STK32B: variants seen among roughly 807,000 people sequenced by gnomAD.
STK32B encodes the protein serine/threonine kinase 32B, also known as serine/threonine-protein kinase 32B.
STK32B carries 43 observed loss-of-function variants against 52.6 expected under a neutral mutation model. That is an observed-to-expected ratio of 0.82 (90% CI 0.64 to 1.05). The LOEUF is 1.05. Ranked by LOEUF, STK32B falls within the 50% of genes least tolerant of loss-of-function variation. STK32B has a pLI of 0.00. For synonymous variants in STK32B, 238 were observed against 204.3 expected, an observed-to-expected ratio of 1.17 and a Z score of -1.41; for missense variants, 621 against 534.6, an observed-to-expected ratio of 1.16 and a Z score of -1.59.
chr4:5,471,053 G>A (rs1370569410), intron 11 of STK32B, among the ~76,000 whole-genome samples: 3 of 152,304 alleles, frequency 2.0e-5, no homozygotes, highest in Admixed American at 1.3e-4. Flanking sequence ...GAATATGCAG[G>A]GGCATGCAGG....
intron 3 of STK32B, among the ~76,000 whole-genome samples, chr4:5,274,350 A>T (rs942221868): frequency 6.6e-6 from 1 of 152,120 alleles, no homozygotes; most frequent in Non-Finnish European, 1.5e-5. Context: ...ATTTTTGACA[A>T]TGTCTCTGCC....
At chr4:5,061,767 G>C (rs1188841555) in intron 1 of STK32B, among the ~76,000 whole-genome samples, 1 of 152,126 alleles carries the variant, frequency 6.6e-6, no homozygotes, top group African/African-American at 2.4e-5. Flanking sequence ...CAAAGCCTGG[G>C]TGTTTACCAA....
At chr4:5,304,989 T>G (rs1420165837) in intron 3 of STK32B, among the ~76,000 whole-genome samples, 1 of 152,142 alleles carries the variant, frequency 6.6e-6, no homozygotes, top group African/African-American at 2.4e-5. Flanking sequence ...GTGTATCACA[T>G]TTATTGACTT....
At chr4:5,444,894 A>C (rs1250732742) in intron 6 of STK32B, among the ~76,000 whole-genome samples, 2 of 152,350 alleles carry the variant, frequency 1.3e-5, no homozygotes, top group Admixed American at 1.3e-4. Flanking sequence ...GCACAATGTC[A>C]GTTCCTTTGT....
intron 2 of STK32B, among the ~76,000 whole-genome samples, chr4:5,154,457 C>A (rs1577113411): frequency 6.6e-6 from 1 of 152,168 alleles, no homozygotes. Flanking sequence ...TCAGGTGATC[C>A]ACCAGCCTCA....
intron 3 of STK32B, among the ~76,000 whole-genome samples, chr4:5,314,654 G>T (rs1730543642): frequency 1.3e-5 from 2 of 152,070 alleles, no homozygotes; most frequent in Admixed American, 1.3e-4. Context: ...TGGGTGATAA[G>T]AGCAAGACTC....
intron 7 of STK32B, among the ~76,000 whole-genome samples, chr4:5,448,966 C>A (rs979674348): frequency 6.6e-6 from 1 of 152,188 alleles, no homozygotes; most frequent in African/African-American, 2.4e-5. Context: ...GTTATCCCCC[C>A]TCTTGGAATT....
At chr4:5,280,621 G>T (rs570016087) in intron 3 of STK32B, among the ~76,000 whole-genome samples, 8 of 152,266 alleles carry the variant, frequency 5.3e-5, no homozygotes, top group African/African-American at 1.9e-4. Context: ...CTGGCCGAGC[G>T]CAGTGGCTTA....
intron 4 of STK32B, among the ~76,000 whole-genome samples, chr4:5,358,701 G>GCGCGCACACACA (rs151338728): frequency 1.6e-4 from 17 of 106,736 alleles, no homozygotes; most frequent in African/African-American, 6.1e-4. Flanking sequence ...TCACACACAT[G>GCGCGCACACACA]CACACACACA....
intron 4 of STK32B, among the ~76,000 whole-genome samples, chr4:5,352,617 TA>T (rs1553876827): frequency 0.034 from 2,943 of 85,888 alleles, 74 homozygotes; most frequent in East Asian, 0.16. Flanking sequence ...GAGAAAGAAA[TA>T]AAAAAAAAAA....
At chr4:5,332,681 G>A (rs1223493853) in intron 4 of STK32B, among the ~76,000 whole-genome samples, 3 of 152,142 alleles carry the variant, frequency 2.0e-5, no homozygotes, top group South Asian at 2.1e-4. Flanking sequence ...AGAGTGTGAT[G>A]TTCCCCTTCC....
intron 3 of STK32B, among the ~76,000 whole-genome samples, chr4:5,180,315 A>G (rs545795020): frequency 1.4e-4 from 21 of 152,344 alleles, no homozygotes; most frequent in African/African-American, 4.6e-4. Context: ...TCTCCTGGGC[A>G]CTTGATATGT....
intron 3 of STK32B, among the ~76,000 whole-genome samples, chr4:5,297,716 A>G (rs992308219): frequency 5.3e-5 from 8 of 149,668 alleles, no homozygotes; most frequent in Non-Finnish European, 1.2e-4. Context: ...TCCTTGCATT[A>G]GGTTAGAACA....
At chr4:5,048,673 C>T (rs1418609956), upstream of STK32B, among the ~76,000 whole-genome samples, 2 of 152,258 alleles carry the variant, frequency 1.3e-5, no homozygotes, top group Non-Finnish European at 2.9e-5. Flanking sequence ...AGTGATCCTC[C>T]CACCTAGGCC....
intron 3 of STK32B, among the ~76,000 whole-genome samples, chr4:5,320,963 C>G (rs1243827118): frequency 2.6e-5 from 4 of 152,058 alleles, no homozygotes; most frequent in Non-Finnish European, 4.4e-5. Flanking sequence ...ATAGATGATG[C>G]ATGTATACTG....
the STK32B span, among the ~76,000 whole-genome samples, chr4:5,043,266 C>T: frequency 8.5e-5 from 13 of 152,258 alleles, no homozygotes; most frequent in Non-Finnish European, 1.9e-4. Context: ...TCTCCCTTGT[C>T]TCAATCCTTT....
chr4:5,222,632 T>A (rs1723611417), intron 3 of STK32B, among the ~76,000 whole-genome samples: 1 of 152,150 alleles, frequency 6.6e-6, no homozygotes, highest in Non-Finnish European at 1.5e-5. Flanking sequence ...AACTTAAGAG[T>A]GATGAACTAG....
At chr4:5,121,851 G>C (rs967274620) in intron 1 of STK32B, among the ~76,000 whole-genome samples, 3 of 152,168 alleles carry the variant, frequency 2.0e-5, no homozygotes, top group African/African-American at 7.2e-5. Flanking sequence ...TCCTGTTCAG[G>C]AGACTTGTCC....
chr4:5,436,696 T>C (rs925378933), intron 6 of STK32B: 35 of 981,902 alleles, frequency 3.6e-5, no homozygotes, highest in Middle Eastern at 5.2e-4. Context: ...CACGCAGAAT[T>C]GGCAGCTGAA....
Sources: allele counts gnomAD v4.1 joint callset (sites outside exome capture counted in the v4.1 genomes callset), GRCh38; gene constraint gnomAD v4.1.1; transcripts MANE v1.5; gene names NCBI Gene and HGNC (gene_info 2026-07-23, HGNC 2026-07-21).